The following CCDC88C variants were observed in gnomAD, a reference collection of about 807,000 sequenced individuals.
CCDC88C encodes the protein coiled-coil and HOOK domain protein 88C.
Under a neutral mutation model 198.8 loss-of-function variants are expected in CCDC88C, and 131 were observed. The observed-to-expected ratio is 0.66, with a 90% CI of 0.57 to 0.76. CCDC88C has a LOEUF of 0.76. Among genes scored for constraint, CCDC88C ranks in the 30% least tolerant of loss-of-function variants. The pLI, the probability that CCDC88C is intolerant of heterozygous loss-of-function variation, is 0.00. For synonymous variants in CCDC88C, 1,166 were observed against 1,114.7 expected, an observed-to-expected ratio of 1.05 and a Z score of -0.92; for missense variants, 2,553 against 2,631.6, an observed-to-expected ratio of 0.97 and a Z score of 0.65.
intron 19 of CCDC88C, among the ~76,000 whole-genome samples, chr14:91,305,152 C>A (rs563467529): frequency 3.3e-5 from 5 of 151,694 alleles, no homozygotes; most frequent in Admixed American, 2.6e-4. Context: ...GAGCCGAGAT[C>A]GCACCACTGC....
rs183195562 is a variant in CCDC88C at position 91,301,566 on chromosome 14, A to C, written c.3636-1496T>G. 3.4e-3 allele frequency among the ~76,000 whole-genome samples: 516 copies of C among 152,234 alleles called. 4 individuals are homozygous for C. The highest frequency in any genetic ancestry group is 0.018 in the South Asian group (86 of 4,822). On this transcript the variant is annotated intron_variant, in intron 20 of 29. Transcript: ENST00000389857. ...CCCCATCTCTACTAAAAAATACAAA[A>C]ATTAGCCGGGTGTGGTGGTGCATGC...
Position 91,394,219 on chromosome 14 carries a change from T to C in CCDC88C, c.270+14440A>G, listed in dbSNP as rs118136339. On this transcript the variant is annotated intron_variant, in intron 3 of 29. Transcript: ENST00000389857. Reference sequence around the variant, plus strand: ...ACTGAGCCTCCCAGTACCTGACATATGGCATTTCCATCAACAAAGCAAACA... The same window carrying C: ...ACTGAGCCTCCCAGTACCTGACATACGGCATTTCCATCAACAAAGCAAACA... Among the ~76,000 whole-genome samples the C allele has an allele frequency of 1.9e-3, 296 of 152,272 alleles. 2 individuals carry two copies. The highest frequency in any genetic ancestry group is 3.4e-3 in the Non-Finnish European group (229 of 68,014).
chr14:91,365,586 C>G (rs1894496618), intron 3 of CCDC88C, among the ~76,000 whole-genome samples: 1 of 152,218 alleles, frequency 6.6e-6, no homozygotes, highest in South Asian at 2.1e-4. Flanking sequence ...AGACCCTGAA[C>G]TGAGCCTGTG....
chr14:91,349,745 G>A (rs11160002), intron 4 of CCDC88C, among the ~76,000 whole-genome samples: 43,456 of 152,060 alleles, frequency 0.29, 6,423 homozygotes, highest in Non-Finnish European at 0.33. Flanking sequence ...AATGCAGGCA[G>A]GCCAACATAA....
intron 3 of CCDC88C, among the ~76,000 whole-genome samples, chr14:91,375,886 G>T (rs772711471): frequency 6.6e-6 from 1 of 152,216 alleles, no homozygotes; most frequent in African/African-American, 2.4e-5. Context: ...GGCAGGTGCC[G>T]TAACTGTGCC....
chr14:91,280,251 TG>T (rs925570183), intron 27 of CCDC88C, among the ~76,000 whole-genome samples: 1 of 152,164 alleles, frequency 6.6e-6, no homozygotes, highest in Non-Finnish European at 1.5e-5. Context: ...AAGAGACACC[TG>T]GGGTTCCTCT....
At chr14:91,291,245 C>T (rs922374746) in intron 23 of CCDC88C, among the ~76,000 whole-genome samples, 161 bp from the exon 24 acceptor site, 23 of 152,306 alleles carry the variant, frequency 1.5e-4, no homozygotes, top group African/African-American at 4.8e-4. Flanking sequence ...GTTTGGAATA[C>T]GGGAATGGTG....
chr14:91,407,481 G>A (rs995821150), intron 3 of CCDC88C, among the ~76,000 whole-genome samples: 6 of 152,326 alleles, frequency 3.9e-5, no homozygotes, highest in African/African-American at 1.4e-4. Context: ...TTAGTGAAAC[G>A]CTGGCGTGAA....
chr14:91,384,049 C>T (rs138245187), intron 3 of CCDC88C, among the ~76,000 whole-genome samples: 3 of 152,254 alleles, frequency 2.0e-5, no homozygotes, highest in Admixed American at 6.5e-5. Context: ...TCCTAGGGCA[C>T]CACATCTGGG....
Position 91,324,767 on chromosome 14 carries a change from G to T in CCDC88C, c.1342+12C>A. On this transcript the variant is annotated intron_variant, in intron 12 of 29. Transcript: ENST00000389857. ...CGGCCAGGCTGGCTCCCCGGCACCA[G>T]GCGCTACCTACCGTCTGACAAGTCT... The T allele has an allele frequency of 6.2e-7, 1 of 1,608,546 alleles. No individual in the cohort carries two copies.
chr14:91,393,344 C>A (rs1205197305), intron 3 of CCDC88C, among the ~76,000 whole-genome samples: 1 of 152,218 alleles, frequency 6.6e-6, no homozygotes, highest in South Asian at 2.1e-4. Flanking sequence ...ACCCCCTAAA[C>A]CCCCAGCCCT....
At position 91,352,633 on chromosome 14, in the gene CCDC88C, T is replaced by TTA. The variant is rs1050160119; in HGVS notation, c.340+7007_340+7008dup. Among the ~76,000 whole-genome samples the TTA allele has an allele frequency of 5.9e-5, 9 of 151,988 alleles. No individual in the cohort carries two copies. The highest frequency in any genetic ancestry group is 2.0e-4 in the Admixed American group (3 of 15,252). ...CCAAAACGTTTTGCAAATATGAAAA[T>TTA]TATATATATATACACACACACATAT... On this transcript the variant is annotated intron_variant, in intron 4 of 29. Coordinates refer to ENST00000389857, the MANE Select transcript of CCDC88C (RefSeq NM_001080414.4). The surrounding 1 kb of genome is among the most constrained non-coding windows in gnomAD (Gnocchi z 4.2).
At chr14:91,411,962 C>CAA (rs35255337) in intron 2 of CCDC88C, among the ~76,000 whole-genome samples, 15,251 of 97,628 alleles carry the variant, frequency 0.16, 1,604 homozygotes, top group East Asian at 0.5. Context: ...GACTCCATCT[C>CAA]AAAAAAAAAA....
intron 20 of CCDC88C, among the ~76,000 whole-genome samples, chr14:91,302,303 C>T (rs1281935745): frequency 2.6e-5 from 4 of 152,168 alleles, no homozygotes; most frequent in African/African-American, 7.2e-5. Flanking sequence ...GGGCCATTTC[C>T]CAGGCAAAGG....
intron 3 of CCDC88C, among the ~76,000 whole-genome samples, chr14:91,394,787 G>C (rs902612766): frequency 1.3e-5 from 2 of 152,196 alleles, no homozygotes; most frequent in Admixed American, 6.5e-5. Context: ...GGAGAAAAAC[G>C]TGCAGGGCTA....
chr14:91,384,805 C>A (rs370067602), intron 3 of CCDC88C, among the ~76,000 whole-genome samples: 6 of 152,188 alleles, frequency 3.9e-5, no homozygotes, highest in African/African-American at 1.4e-4. Flanking sequence ...AGTCCTCCCC[C>A]ACTCCCTTCC....
chr14:91,321,704 G>T (rs1237023566), intron 12 of CCDC88C, among the ~76,000 whole-genome samples: 1 of 152,228 alleles, frequency 6.6e-6, no homozygotes, highest in African/African-American at 2.4e-5. Context: ...CATCTCGGCT[G>T]CTCAGCAGGC....
At chr14:91,369,081 A>G (rs1894664986) in intron 3 of CCDC88C, among the ~76,000 whole-genome samples, 1 of 152,240 alleles carries the variant, frequency 6.6e-6, no homozygotes, top group African/African-American at 2.4e-5. Flanking sequence ...CAGGGCCTGG[A>G]GCAAGACCGG....
At chr14:91,294,845 G>A (rs903639231) in intron 22 of CCDC88C, among the ~76,000 whole-genome samples, 2 of 152,124 alleles carry the variant, frequency 1.3e-5, no homozygotes, top group African/African-American at 2.4e-5. Context: ...TTTTAGTAGA[G>A]ACGGGGTTTC....
Sources: gnomAD v4.1 joint callset for allele counts (sites outside exome capture counted in the v4.1 genomes callset) on GRCh38, gnomAD v4.1.1 for gene constraint, Gnocchi (gnomAD v3.1) non-coding constraint, MANE v1.5 for transcripts, NCBI Gene and HGNC (gene_info 2026-07-23, HGNC 2026-07-21) for gene names.